The following TAFA4 variants were observed in gnomAD, a reference collection of about 807,000 sequenced individuals.
The protein encoded by TAFA4 is TAFA chemokine like family member 4.
TAFA4 carries 20 observed loss-of-function variants against 21.1 expected under a neutral mutation model. That is an observed-to-expected ratio of 0.95 (90% CI 0.67 to 1.38). TAFA4 has a LOEUF of 1.38. TAFA4 is among the 40% of genes most tolerant of loss of function. The pLI, the probability that TAFA4 is intolerant of heterozygous loss-of-function variation, is 0.00. For synonymous variants in TAFA4, 71 were observed against 67.4 expected (o/e 1.05, Z -0.26); for missense variants, 211 against 180.9 (o/e 1.17, Z -0.95).
intron 4 of TAFA4, among the ~76,000 whole-genome samples, chr3:68,744,894 A>G (rs534104235): frequency 6.6e-6 from 1 of 152,334 alleles, no homozygotes; most frequent in African/African-American, 2.4e-5. Flanking sequence ...CAGATTCCTT[A>G]AAATAGCAAG....
At chr3:68,931,331 G>T (rs1462224450) in intron 1 of TAFA4, among the ~76,000 whole-genome samples, 1 of 152,138 alleles carries the variant, frequency 6.6e-6, no homozygotes, top group Non-Finnish European at 1.5e-5. Context: ...CGGCGAGTCC[G>T]TGAACCCGTG....
At chr3:68,888,308 G>A (rs919070987) in intron 1 of TAFA4, among the ~76,000 whole-genome samples, 33 of 151,860 alleles carry the variant, frequency 2.2e-4, no homozygotes, top group African/African-American at 7.3e-4. Flanking sequence ...GGCCCTTACC[G>A]TCCATATTTC....
At chr3:68,891,269 T>C (rs2089727711) in intron 1 of TAFA4, among the ~76,000 whole-genome samples, 1 of 152,192 alleles carries the variant, frequency 6.6e-6, no homozygotes, top group Non-Finnish European at 1.5e-5. Context: ...CTAACACATT[T>C]GAATTCAAAA....
intron 1 of TAFA4, among the ~76,000 whole-genome samples, chr3:68,900,763 C>T (rs531178607): frequency 2.6e-5 from 4 of 152,138 alleles, no homozygotes; most frequent in Non-Finnish European, 4.4e-5. Flanking sequence ...GATTTGAACA[C>T]CTAAACTTAA....
intron 3 of TAFA4, among the ~76,000 whole-genome samples, chr3:68,755,959 G>A (rs192662925): frequency 6.6e-6 from 1 of 152,266 alleles, no homozygotes; most frequent in Admixed American, 6.5e-5. Context: ...CCTATGCAGA[G>A]GACTACATAG....
At chr3:68,809,448 T>C (rs549966953) in intron 3 of TAFA4, among the ~76,000 whole-genome samples, 12 of 152,302 alleles carry the variant, frequency 7.9e-5, no homozygotes, top group South Asian at 4.1e-4. Context: ...GTTTGTGATT[T>C]TTTTTAGTTT....
chr3:68,837,524 T>C (rs752950206), intron 3 of TAFA4, among the ~76,000 whole-genome samples: 1 of 152,138 alleles, frequency 6.6e-6, no homozygotes, highest in African/African-American at 2.4e-5. Flanking sequence ...GAATCACATA[T>C]GGGGCTTTCT....
chr3:68,744,807 T>A (rs1702424432), intron 4 of TAFA4, among the ~76,000 whole-genome samples: 1 of 152,214 alleles, frequency 6.6e-6, no homozygotes, highest in African/African-American at 2.4e-5. Flanking sequence ...GACAGAACTC[T>A]TATGAGATTA....
chr3:68,736,176 C>A (rs1702237920), intron 5 of TAFA4, among the ~76,000 whole-genome samples: 1 of 151,762 alleles, frequency 6.6e-6, no homozygotes, highest in African/African-American at 2.4e-5. Flanking sequence ...GATATCATAC[C>A]CTTGTTAGAA....
intron 3 of TAFA4, among the ~76,000 whole-genome samples, chr3:68,781,427 T>C (rs1439238375): frequency 2.6e-5 from 4 of 151,916 alleles, no homozygotes; most frequent in African/African-American, 9.7e-5. Context: ...TTACCAATAT[T>C]AATAACAAAA....
At chr3:68,735,877 G>A (rs577205060) in intron 5 of TAFA4, among the ~76,000 whole-genome samples, 1 of 152,228 alleles carries the variant, frequency 6.6e-6, no homozygotes, top group South Asian at 2.1e-4. Context: ...TGTAGAAGCT[G>A]TCTGTGCTTT....
At chr3:68,906,177 G>A (rs1289495046) in intron 1 of TAFA4, among the ~76,000 whole-genome samples, 3 of 152,326 alleles carry the variant, frequency 2.0e-5, no homozygotes, top group East Asian at 3.9e-4. Context: ...AACAAGTGTC[G>A]TTCCTCAAAA....
chr3:68,781,933 T>G (rs1229889453), intron 3 of TAFA4, among the ~76,000 whole-genome samples: 1 of 152,180 alleles, frequency 6.6e-6, no homozygotes, highest in Non-Finnish European at 1.5e-5. Context: ...CTTCATGACT[T>G]TCGATTTAGC....
At chr3:68,919,028 A>T (rs1662811978) in intron 1 of TAFA4, among the ~76,000 whole-genome samples, 1 of 152,178 alleles carries the variant, frequency 6.6e-6, no homozygotes, top group Non-Finnish European at 1.5e-5. Flanking sequence ...CTGCCATAGG[A>T]TTCACACTTA....
At chr3:68,764,240 CAGAG>C (rs1702808367) in intron 3 of TAFA4, among the ~76,000 whole-genome samples, 1 of 152,034 alleles carries the variant, frequency 6.6e-6, no homozygotes, top group Non-Finnish European at 1.5e-5. Flanking sequence ...CATACCCCCA[CAGAG>C]AAAGAGGCTA....
chr3:68,794,382 T>C (rs1335485872), intron 3 of TAFA4, among the ~76,000 whole-genome samples: 2 of 152,228 alleles, frequency 1.3e-5, no homozygotes, highest in African/African-American at 2.4e-5. Context: ...ATTTCACTCA[T>C]GTTAAATACA....
At chr3:68,783,667 CACACACAGAG>C (rs1281869959) in intron 3 of TAFA4, among the ~76,000 whole-genome samples, 17 of 93,950 alleles carry the variant, frequency 1.8e-4, no homozygotes, top group South Asian at 3.9e-4. Context: ...CACAGACACA[CACACACAGAG>C]AGAGAGAGAG....
intron 3 of TAFA4, among the ~76,000 whole-genome samples, chr3:68,813,948 C>T (rs976378794): frequency 1.3e-5 from 2 of 152,152 alleles, no homozygotes; most frequent in African/African-American, 4.8e-5. Context: ...TCCAGCAGCA[C>T]ATCAAAAACC....
chr3:68,904,930 A>G (rs2089884601), intron 1 of TAFA4, among the ~76,000 whole-genome samples: 2 of 152,212 alleles, frequency 1.3e-5, no homozygotes, highest in South Asian at 4.1e-4. Flanking sequence ...GCTGTGGCCA[A>G]AATCAGTGGA....
Sources: gnomAD v4.1 joint callset for allele counts (sites outside exome capture counted in the v4.1 genomes callset) on GRCh38, gnomAD v4.1.1 for gene constraint, MANE v1.5 for transcripts, NCBI Gene and HGNC (gene_info 2026-07-23, HGNC 2026-07-21) for gene names.